Variants in MYRFL observed in about 807,000 individuals in gnomAD.
MYRFL encodes myelin regulatory factor-like protein.
A neutral mutation model predicts 109.4 loss-of-function variants in MYRFL; 88 were observed. That is an observed-to-expected ratio of 0.80 (90% CI 0.68 to 0.96). The LOEUF (loss-of-function observed/expected upper bound fraction) is 0.96, where lower values mean the gene tolerates loss of function less well. Ranked by LOEUF, MYRFL falls within the 40% of genes least tolerant of loss-of-function variation. MYRFL has a pLI of 0.00. For missense variants in MYRFL, 957 were observed against 954.9 expected, an observed-to-expected ratio of 1.00 and a Z score of -0.03; for synonymous variants, 324 against 320.9, an observed-to-expected ratio of 1.01 and a Z score of -0.10.
rs374712760 is a variant in MYRFL at position 69,898,977 on chromosome 12, G to A, written c.1182+1731G>A. Among the ~76,000 whole-genome samples the A allele has an allele frequency of 4.6e-5, 7 of 152,276 alleles. No individual in the cohort carries two copies. The East Asian group carries it at 9.6e-4, about 21-fold the overall frequency. ...ATCATAATGATGACTTTGAGAAGTC[G>A]AAAGTTCCATGATTCGTATTCGGTG... On this transcript the variant is annotated intron_variant, in intron 10 of 24. Transcript: ENST00000552032.
chr12:69,897,033 T>G (rs1251213431), intron 9 of MYRFL, 123 bp from the exon 10 acceptor site: 1 of 702,546 alleles, frequency 1.4e-6, no homozygotes. Flanking sequence ...GAAAAGGCAG[T>G]CTTTAAATAA....
intron 11 of MYRFL, among the ~76,000 whole-genome samples, chr12:69,905,084 C>T (rs1954313138): frequency 6.6e-6 from 1 of 152,190 alleles, no homozygotes; most frequent in Non-Finnish European, 1.5e-5. Flanking sequence ...ACATACATTT[C>T]CAGATGTCAG....
At chr12:69,905,143 T>C (rs1566014643) in intron 11 of MYRFL, among the ~76,000 whole-genome samples, 1 of 152,212 alleles carries the variant, frequency 6.6e-6, no homozygotes, top group Non-Finnish European at 1.5e-5. Context: ...TCTGTCTGCA[T>C]TTCAGGTCAC....
rs764255581 is a variant in MYRFL, at chr12:69,880,237, G to A, written c.501G>A (p.Thr167=). The A allele has an allele frequency of 1.4e-5, 10 of 702,676 alleles. No individual in the cohort carries two copies. The highest frequency in any genetic ancestry group is 2.3e-5 in the Non-Finnish European group (9 of 384,778). The allele number at this position is 702,676 out of a possible 1,614,324, so 43.5% of individuals were successfully genotyped here. A position where few individuals can be genotyped will look rare whatever the true frequency, so the allele number is the denominator to read the frequency against. Residue 167 remains threonine, a synonymous_variant, in exon 5 of 25, where the codon ACG becomes ACA. Transcript: ENST00000552032. ...CTCCAACCAAGAAGAGAAAGTGCACGCAGGCACTGGAGGACTCCGGGGAAT... is the reference window on the plus strand; with the variant it reads ...CTCCAACCAAGAAGAGAAAGTGCACACAGGCACTGGAGGACTCCGGGGAAT... The part of the protein sequence containing the change: ...SLPPTKKRKC[T]QALEDSGECR...
At chr12:69,880,769 C>G (rs1886026728) in intron 5 of MYRFL, among the ~76,000 whole-genome samples, 2 of 152,154 alleles carry the variant, frequency 1.3e-5, no homozygotes, top group Admixed American at 1.3e-4. Context: ...GCTACTGGCT[C>G]ATGGAAGGCA....
rs1272414854 is a variant in MYRFL, at chr12:69,932,540, T to G, written c.1858T>G (p.Cys620Gly). 1.3e-6 allele frequency: 2 copies of G among 1,536,086 alleles called. No individual in the cohort carries two copies. Among genetic ancestry groups the G allele is most frequent in the Admixed American group, 2.0e-5 (1 of 51,006 alleles). The change falls in exon 16 of 25, where the codon TGT (cysteine) becomes GGT (glycine). Residue 620 changes from cysteine (C) to glycine (G), a missense_variant. Coordinates refer to ENST00000552032, the MANE Select transcript of MYRFL (RefSeq NM_182530.3). ...KVYFSGKRQA[C>G]PNWVFQTLVI... is the part of the protein sequence containing the mutation. ...TTATTTTTCAGGAAAAAGACAGGCG[T>G]GTCCTAATTGGGTTTTCCAGACCTT...
chr12:69,895,291 C>T lies in MYRFL; in HGVS notation c.981-80C>T, dbSNP rs992002361. On this transcript the variant is annotated intron_variant, in intron 8 of 24. Coordinates refer to ENST00000552032, the MANE Select transcript of MYRFL (RefSeq NM_182530.3). ...CTGGGAACCAAGCATAGATGAGAGT[C>T]TGAAAGTGGATTAGATATGATCAGA... is the stretch of plus-strand genomic sequence containing the variant. The T allele has an allele frequency of 5.7e-6, 6 of 1,057,816 alleles. No homozygotes were observed. The South Asian group carries it at 8.9e-5, about 16-fold the overall frequency. 65.5% of individuals were successfully genotyped at this position (1,057,816 alleles called of 1,614,324 possible). A position where few individuals can be genotyped will look rare whatever the true frequency, so the allele number is the denominator to read the frequency against.
At chr12:69,912,889 C>T (rs1424219318) in intron 13 of MYRFL, among the ~76,000 whole-genome samples, 2 of 152,142 alleles carry the variant, frequency 1.3e-5, no homozygotes, top group Admixed American at 6.5e-5. Context: ...TACTATTTCC[C>T]ATGTGACGAT....
chr12:69,928,553 G>C (rs1367530772), intron 15 of MYRFL, among the ~76,000 whole-genome samples: 6 of 152,178 alleles, frequency 3.9e-5, no homozygotes, highest in Non-Finnish European at 8.8e-5. Flanking sequence ...TATTCTAAAA[G>C]GATTCAGAAA....
At chr12:69,924,190 G>GAA (rs543542332) in intron 13 of MYRFL, among the ~76,000 whole-genome samples, 61 of 79,672 alleles carry the variant, frequency 7.7e-4, no homozygotes, top group Non-Finnish European at 9.9e-4. Flanking sequence ...CTCCGTCTCA[G>GAA]AAAAAAAAAA....
intron 19 of MYRFL, among the ~76,000 whole-genome samples, chr12:69,938,818 G>A (rs1018331422): frequency 1.2e-4 from 19 of 152,266 alleles, no homozygotes; most frequent in African/African-American, 3.4e-4. Context: ...GACAGTGGGC[G>A]CAGGTCAGTG....
intron 2 of MYRFL, among the ~76,000 whole-genome samples, chr12:69,869,094 G>A (rs1283065979): frequency 6.6e-6 from 1 of 152,188 alleles, no homozygotes; most frequent in Non-Finnish European, 1.5e-5. Flanking sequence ...AAAAATTGGA[G>A]GAAATACTTT....
intron 1 of MYRFL, among the ~76,000 whole-genome samples, chr12:69,836,780 C>A (rs778583834): frequency 2.0e-5 from 3 of 152,170 alleles, no homozygotes; most frequent in African/African-American, 7.2e-5. Context: ...CTGAAATAAC[C>A]TTTACTGGTG....
At position 69,844,178 on chromosome 12, in the gene MYRFL, G is replaced by C. The variant is rs144990364; in HGVS notation, c.47-11102G>C. Among the ~76,000 whole-genome samples the C allele has an allele frequency of 3.5e-3, 536 of 152,278 alleles. 8 individuals are homozygous for C. The highest frequency in any genetic ancestry group is 0.012 in the African/African-American group (519 of 41,546). On this transcript the variant is annotated intron_variant, in intron 1 of 24. Coordinates refer to ENST00000552032, the MANE Select transcript of MYRFL (RefSeq NM_182530.3). ...TGGAAAACACAGATAGGATTTTGGA[G>C]TCCAAGAGGAAGCCAGTTACTGCAG...
In MYRFL at chr12:69,936,633, G is replaced by T. The variant is rs879899773; in HGVS notation, c.2224+1G>T. 5 of 1,504,224 alleles carry T rather than the reference G, an allele frequency of 3.3e-6. No individual in the cohort carries two copies. In the Admixed American group the frequency reaches 1.1e-4, roughly 33 times the overall value. 93.2% of individuals were successfully genotyped at this position (1,504,224 alleles called of 1,614,324 possible). On this transcript the variant is annotated splice_donor_variant, in intron 19 of 24. Coordinates refer to ENST00000552032, the MANE Select transcript of MYRFL (RefSeq NM_182530.3). LOFTEE classifies it high-confidence loss of function. Reference sequence around the variant, plus strand: ...GAATTCCATCAGAGGCGATGGTCAGGTAAATGATGTTCAAAGAGAAACAAC... The same window carrying T: ...GAATTCCATCAGAGGCGATGGTCAGTTAAATGATGTTCAAAGAGAAACAAC...
At chr12:69,895,515 T>TGGG (rs1953960229) in intron 9 of MYRFL, 34 bp downstream of exon 9, 1 of 1,513,696 alleles carries the variant, frequency 6.6e-7, no homozygotes, top group African/African-American at 1.4e-5. Flanking sequence ...GCAGTGTGGC[T>TGGG]GGGTACTTTA....
At chr12:69,949,986 AG>A (rs1389794833) in intron 19 of MYRFL, among the ~76,000 whole-genome samples, 6 of 152,194 alleles carry the variant, frequency 3.9e-5, no homozygotes, top group Admixed American at 3.3e-4. Flanking sequence ...TTCAATGAAG[AG>A]TAGGTGTTAA....
intron 19 of MYRFL, among the ~76,000 whole-genome samples, chr12:69,940,831 G>A (rs1488774969): frequency 4.7e-5 from 6 of 126,688 alleles, no homozygotes; most frequent in Non-Finnish European, 9.9e-5. Context: ...ATAAAAGGAT[G>A]GAGGAAGATC....
intron 5 of MYRFL, among the ~76,000 whole-genome samples, chr12:69,884,144 A>G (rs1886308774): frequency 2.6e-5 from 4 of 152,234 alleles, no homozygotes; most frequent in Admixed American, 6.5e-5. Context: ...CTGTCCTTCA[A>G]AAAAGAAAGT....
Sources: allele counts gnomAD v4.1 joint callset (sites outside exome capture counted in the v4.1 genomes callset), GRCh38; gene constraint gnomAD v4.1.1; transcripts MANE v1.5; gene names NCBI Gene and HGNC (gene_info 2026-07-23, HGNC 2026-07-21).